KIF27: variants seen among roughly 807,000 people sequenced by gnomAD.
The protein encoded by KIF27 is kinesin-like protein KIF27.
Under a neutral mutation model 141.8 loss-of-function variants are expected in KIF27, and 84 were observed. The ratio of observed to expected loss-of-function variants is 0.59; its 90% confidence interval spans 0.50 to 0.71. The LOEUF (loss-of-function observed/expected upper bound fraction) is 0.71, where lower values mean the gene tolerates loss of function less well. Among genes scored for constraint, KIF27 ranks in the 30% least tolerant of loss-of-function variants. KIF27 has a pLI of 0.00. For missense variants in KIF27, 1,306 were observed against 1,628.4 expected, an observed-to-expected ratio of 0.80 and a Z score of 3.41; for synonymous variants, 471 against 569.5, an observed-to-expected ratio of 0.83 and a Z score of 2.46.
Position 83,903,530 on chromosome 9 carries a change from T to C in KIF27, c.988A>G (p.Asn330Asp). The C allele has an allele frequency of 6.2e-7, 1 of 1,614,156 alleles. No homozygotes were observed. Among genetic ancestry groups the C allele is most frequent in the South Asian group, 1.1e-5 (1 of 91,076 alleles). ...PSSSNFDESL[N>D]SLKYANRARN... ...GCTCTGTTGGCATATTTGAGAGAAT[T>C]TAAGGACTCATCAAAATTCGAGGAG... Residue 330 changes from asparagine (N) to aspartate (D), a missense_variant, in exon 4 of 18, where the codon AAT becomes GAT. Physicochemically the swap from Asn to Asp is conservative, Grantham distance 23. This residue lies in a region of KIF27 where 533 missense variants were observed against 565.6 expected (regional missense o/e 0.94). Transcript: ENST00000297814.
At chr9:83,896,378 GATATATAATGTATTAATAT>G (rs1953256107) in intron 5 of KIF27, among the ~76,000 whole-genome samples, 1 of 152,082 alleles carries the variant, frequency 6.6e-6, no homozygotes, top group African/African-American at 2.4e-5. Context: ...CAGGTTGCTG[GATATATAATGTATTAATAT>G]CTAAAAATTA....
chr9:83,849,207 A>C (rs532567636), intron 16 of KIF27, among the ~76,000 whole-genome samples: 22 of 152,340 alleles, frequency 1.4e-4, no homozygotes, highest in Non-Finnish European at 2.1e-4. Flanking sequence ...TTTCAGAACT[A>C]AACTAAGGTA....
Position 83,919,596 on chromosome 9 carries a change from G to GAA in KIF27, c.-88+1773_-88+1774dup, listed in dbSNP as rs537144904. 9.2e-3 allele frequency among the ~76,000 whole-genome samples: 1,317 copies of GAA among 142,412 alleles called. 21 individuals are homozygous for GAA. The highest frequency in any genetic ancestry group is 0.033 in the African/African-American group (1,273 of 39,042). The allele number at this position is 142,412 out of a possible 152,430, so 93.4% of individuals were successfully genotyped here. ...TGAATTGATAATATTCACTACCCTT[G>GAA]AAAAAAAAAAAACCATGGCCCAGCA... On this transcript the variant is annotated intron_variant, in intron 1 of 17. Transcript: ENST00000297814.
In KIF27 at chr9:83,848,206, A is replaced by ATGATATATCTGATATATCATATC. The variant is rs1947833319; in HGVS notation, c.3556+1892_3556+1893insGATATGATATATCAGATATATCA. ...ATATGATATATATGATATATCAGAT[A>ATGATATATCTGATATATCATATC]TGATATATATGATATATCAGATATG... On this transcript the variant is annotated intron_variant, in intron 16 of 17. Coordinates refer to ENST00000297814, the MANE Select transcript of KIF27 (RefSeq NM_017576.4). Among the ~76,000 whole-genome samples, 5 of 56,560 alleles carry ATGATATATCTGATATATCATATC rather than the reference A, an allele frequency of 8.8e-5. No individual in the cohort carries two copies. In the East Asian group the frequency reaches 1.8e-3, roughly 20 times the overall value. The allele number at this position is 56,560 out of a possible 152,430, so 37.1% of individuals were successfully genotyped here. A position where few individuals can be genotyped will look rare whatever the true frequency, so the allele number is the denominator to read the frequency against.
chr9:83,888,592 T>A lies in KIF27; in HGVS notation c.1980A>T (p.Arg660Ser), dbSNP rs771798020. 44 of 1,548,720 alleles carry A rather than the reference T, an allele frequency of 2.8e-5. 1 individual carries two copies. The highest frequency in any genetic ancestry group is 3.5e-5 in the Non-Finnish European group (40 of 1,135,748). Residue 660 changes from arginine (R) to serine (S), a missense_variant and splice_region_variant, in exon 8 of 18, where the codon AGA (arginine) becomes AGT (serine). This residue lies in a region of KIF27 where 596 missense variants were observed against 751.6 expected (regional missense o/e 0.79). Transcript: ENST00000297814. Reference protein sequence around the residue: ...ESEGQEKSGTRCRSRSWIQKP... With the variant: ...ESEGQEKSGTSCRSRSWIQKP... The stretch of plus-strand genomic sequence containing the variant: ...TCTGAATCCATGAACGACTTCTACA[T>A]CTTAAAAAAAAATCAGAAAGTTAAC...
chr9:83,838,547 G>A (rs1003640439), intron 17 of KIF27, among the ~76,000 whole-genome samples: 1 of 152,176 alleles, frequency 6.6e-6, no homozygotes, highest in Non-Finnish European at 1.5e-5. Flanking sequence ...GTCCTGCCAA[G>A]ACAAAGTTTT....
chr9:83,916,825 G>A (rs1416543908), intron 1 of KIF27, among the ~76,000 whole-genome samples: 2 of 151,970 alleles, frequency 1.3e-5, no homozygotes, highest in Non-Finnish European at 2.9e-5. Context: ...CACTATGCCT[G>A]GCTAATTTTT....
chr9:83,914,878 A>G (rs1239915844), intron 2 of KIF27, among the ~76,000 whole-genome samples: 6 of 152,256 alleles, frequency 3.9e-5, no homozygotes, highest in Non-Finnish European at 8.8e-5. Context: ...AAATCTGGCT[A>G]GAATATGAAA....
chr9:83,880,698 A>G (rs1416902606), intron 10 of KIF27, among the ~76,000 whole-genome samples: 2 of 152,192 alleles, frequency 1.3e-5, no homozygotes, highest in Admixed American at 6.5e-5. Flanking sequence ...CACATATGTA[A>G]AAGTATAAAG....
intron 17 of KIF27, among the ~76,000 whole-genome samples, chr9:83,839,881 T>C (rs1946363082): frequency 6.6e-6 from 1 of 152,146 alleles, no homozygotes; most frequent in South Asian, 2.1e-4. Flanking sequence ...AGGTGGAGGC[T>C]GCAGTGAGCT....
At chr9:83,902,601 T>G (rs1193633167) in intron 4 of KIF27, among the ~76,000 whole-genome samples, 1 of 152,192 alleles carries the variant, frequency 6.6e-6, no homozygotes, top group Non-Finnish European at 1.5e-5. Flanking sequence ...ATGAAGTATT[T>G]TTTTCTTTCA....
intron 15 of KIF27, 79 bp from the exon 16 acceptor site, chr9:83,850,376 A>G: frequency 1.2e-6 from 1 of 846,018 alleles, no homozygotes; most frequent in Non-Finnish European, 1.9e-6. Flanking sequence ...AGGCTACTTC[A>G]AGATGAACTT....
rs1563963892 is a variant in KIF27 at position 83,891,323 on chromosome 9, T to C, written c.1781A>G (p.Tyr594Cys). 3.1e-6 allele frequency: 5 copies of C among 1,613,274 alleles called. No homozygotes were observed. Among genetic ancestry groups the C allele is most frequent in the Non-Finnish European group, 4.2e-6 (5 of 1,179,466 alleles). ...CCTGGAATCTTGTCTTGATGGGATA[T>C]AAATATAATGCCCCAAATGAGTATC... The part of the protein sequence containing the change: ...PFDTHLGHYI[Y>C]IPSRQDSRKV... The change falls in exon 6 of 18, where the codon TAT becomes TGT. Residue 594 changes from tyrosine (Y) to cysteine (C), a missense_variant. By Grantham distance (194) the Tyr-to-Cys change is radical. Transcript: ENST00000297814.
intron 16 of KIF27, among the ~76,000 whole-genome samples, chr9:83,842,986 A>G (rs1587878572): frequency 6.6e-6 from 1 of 152,088 alleles, no homozygotes; most frequent in African/African-American, 2.4e-5. Context: ...TACCAACTAG[A>G]CCTATCCTTA....
At chr9:83,861,834 G>C (rs1564323796) in intron 13 of KIF27, among the ~76,000 whole-genome samples, 1 of 151,118 alleles carries the variant, frequency 6.6e-6, no homozygotes, top group East Asian at 1.9e-4. Context: ...ATCCTCTCCA[G>C]CACCTGTTGT....
At chr9:83,858,304 A>G (rs1297120316) in intron 14 of KIF27, 1 of 152,142 alleles carries the variant, frequency 6.6e-6, no homozygotes, top group Non-Finnish European at 1.5e-5. Context: ...CCTATTTCTT[A>G]ACTAGCCCCT....
rs544638098 is a variant in KIF27, at chr9:83,903,570, T to C, written c.948A>G (p.Thr316=). 5.0e-6 allele frequency: 8 copies of C among 1,614,168 alleles called. No homozygotes were observed. The African/African-American group carries it at 8.0e-5, about 16-fold the overall frequency. Reference sequence around the variant, plus strand: ...AATTCGAGGAGGAGGGGCTGACACATGTGATCATGACAGTCTTAGCACTGC... The same window carrying C: ...AATTCGAGGAGGAGGGGCTGACACACGTGATCATGACAGTCTTAGCACTGC... ...LGGSAKTVMI[T]CVSPSSSNFD... The change falls in exon 4 of 18, where the codon ACA becomes ACG. Residue 316 remains threonine, a synonymous_variant. Coordinates refer to ENST00000297814, the MANE Select transcript of KIF27 (RefSeq NM_017576.4).
chr9:83,876,922 A>G (rs535088599), intron 11 of KIF27, among the ~76,000 whole-genome samples: 33 of 152,210 alleles, frequency 2.2e-4, no homozygotes, highest in East Asian at 1.4e-3. Context: ...AAAAGTAGGG[A>G]AAAAAATTAG....
chr9:83,838,396 G>A (rs1429345095), intron 17 of KIF27, among the ~76,000 whole-genome samples: 1 of 152,164 alleles, frequency 6.6e-6, no homozygotes, highest in Admixed American at 6.5e-5. Context: ...ACCACGCCCG[G>A]CGAATTTTTT....
Sources: allele counts gnomAD v4.1 joint callset (sites outside exome capture counted in the v4.1 genomes callset), GRCh38; gene constraint gnomAD v4.1.1; regional missense constraint gnomAD v4.1.1; transcripts MANE v1.5; gene names NCBI Gene and HGNC (gene_info 2026-07-23, HGNC 2026-07-21).